NMRK2: variants seen among roughly 807,000 people sequenced by gnomAD.
The protein encoded by NMRK2 is NRK 2.
A neutral mutation model predicts 24.7 loss-of-function variants in NMRK2; 34 were observed. The observed-to-expected ratio is 1.37, with a 90% CI of 1.05 to 1.83. NMRK2 has a LOEUF of 1.83. Ranked by LOEUF, NMRK2 falls within the 40% of genes most tolerant of loss-of-function variation. The pLI, the probability that NMRK2 is intolerant of heterozygous loss-of-function variation, is 0.00. For synonymous variants in NMRK2, 145 were observed against 125.6 expected (o/e 1.15, Z -1.03); for missense variants, 341 against 315.0 (o/e 1.08, Z -0.62).
intron 5 of NMRK2, among the ~76,000 whole-genome samples, chr19:3,939,110 A>T (rs937156177): frequency 6.6e-6 from 1 of 151,442 alleles, no homozygotes; most frequent in Admixed American, 6.6e-5. Context: ...CGGACTCCCA[A>T]AGTGCTGGGA....
chr19:3,936,186 G>A (rs1480869858), intron 2 of NMRK2, among the ~76,000 whole-genome samples: 2 of 104,072 alleles, frequency 1.9e-5, no homozygotes, highest in East Asian at 2.7e-3. Flanking sequence ...ACTCCAGCCT[G>A]GGCAACAGAG....
intron 2 of NMRK2, among the ~76,000 whole-genome samples, chr19:3,934,803 G>A (rs1477798908): frequency 6.6e-6 from 1 of 151,804 alleles, no homozygotes; most frequent in African/African-American, 2.4e-5. Context: ...GGCTGGTCTC[G>A]AACTCCTGAC....
intron 5 of NMRK2, among the ~76,000 whole-genome samples, chr19:3,939,250 G>A (rs989525560): frequency 7.2e-5 from 11 of 151,926 alleles, no homozygotes; most frequent in African/African-American, 1.2e-4. Flanking sequence ...GGAGCCAGGC[G>A]TGGTGGCTCA....
chr19:3,937,211 A>T (rs1225833830), intron 3 of NMRK2, 29 bp from the exon 4 acceptor site: 1 of 1,611,922 alleles, frequency 6.2e-7, no homozygotes. Flanking sequence ...CCGGGCACTG[A>T]GCCCGAGGTT....
chr19:3,933,741 C>A, intron 2 of NMRK2, 44 bp downstream of exon 2: 1 of 1,382,176 alleles, frequency 7.2e-7, no homozygotes, highest in Non-Finnish European at 9.4e-7. Context: ...GGGGCAAAGC[C>A]CCCTGTGCGC....
chr19:3,934,019 G>A (rs928820600), intron 2 of NMRK2, among the ~76,000 whole-genome samples: 1 of 152,092 alleles, frequency 6.6e-6, no homozygotes, highest in Non-Finnish European at 1.5e-5. Flanking sequence ...AGGCCGAGGC[G>A]GGTGGATCAC....
In NMRK2 at chr19:3,935,245, G is replaced by A. The variant is rs1057170921; in HGVS notation, c.27-1330G>A. Among the ~76,000 whole-genome samples the A allele has an allele frequency of 5.6e-5, 8 of 141,980 alleles. 1 individual carries two copies. In the East Asian group the frequency reaches 6.2e-4, roughly 11 times the overall value. The allele number at this position is 141,980 out of a possible 152,430, so 93.1% of individuals were successfully genotyped here. ...TATGATATAGGTGTCCTCTTTTTCC[G>A]TCAGTCTTTTTTTTTTTTTTTTTTT... On this transcript the variant is annotated intron_variant, in intron 2 of 7. Coordinates refer to ENST00000168977, the MANE Select transcript of NMRK2 (RefSeq NM_170678.3).
intron 4 of NMRK2, among the ~76,000 whole-genome samples, 192 bp from the exon 5 acceptor site, chr19:3,938,411 C>T (rs538735943): frequency 4.9e-5 from 7 of 144,084 alleles, no homozygotes; most frequent in South Asian, 2.2e-4. Context: ...GCCCGCTCCC[C>T]GTCCACTGTT....
chr19:3,937,296 C>T lies in NMRK2; in HGVS notation c.166+8C>T, dbSNP rs2039231258. On this transcript the variant is annotated splice_region_variant and intron_variant, in intron 4 of 7. Coordinates refer to ENST00000168977, the MANE Select transcript of NMRK2 (RefSeq NM_170678.3). ...GCTTCAAACAGTGGGACGGTAAGGA[C>T]AAGCATCACCTCCAAGCCCCACTAT... 1 of 1,612,462 alleles carries T rather than the reference C, an allele frequency of 6.2e-7. No individual in the cohort carries two copies. The highest frequency in any genetic ancestry group is 8.5e-7 in the Non-Finnish European group (1 of 1,179,040).
At chr19:3,933,742 C>G in intron 2 of NMRK2, 45 bp downstream of exon 2, 5 of 1,381,646 alleles carry the variant, frequency 3.6e-6, no homozygotes, top group Non-Finnish European at 4.7e-6. Flanking sequence ...GGGCAAAGCC[C>G]CCTGTGCGCG....
intron 4 of NMRK2, among the ~76,000 whole-genome samples, chr19:3,937,917 TC>T (rs2039243180): frequency 1.8e-5 from 1 of 54,912 alleles, no homozygotes; most frequent in African/African-American, 7.5e-5. Context: ...CGTCCACTGT[TC>T]CCCCGGGGTC....
At position 3,939,984 on chromosome 19, in the gene NMRK2, T is replaced by A. The variant is rs1178504014; in HGVS notation, c.395+13T>A. 6.2e-7 allele frequency: 1 copy of A among 1,609,474 alleles called. No homozygotes were observed. On this transcript the variant is annotated intron_variant, in intron 6 of 7. Transcript: ENST00000168977. ...AGTGGAGGAGAAGGTGCACTTGGTG[T>A]CTGGGGGTGCGGTGGGCTCCTGAGG...
At chr19:3,939,142 C>G (rs953106651) in intron 5 of NMRK2, among the ~76,000 whole-genome samples, 2 of 151,768 alleles carry the variant, frequency 1.3e-5, no homozygotes, top group African/African-American at 4.8e-5. Flanking sequence ...AGCCACCACG[C>G]CTGGCTCACA....
At chr19:3,939,734 G>A (rs2039293830) in intron 5 of NMRK2, among the ~76,000 whole-genome samples, 166 bp from the exon 6 acceptor site, 1 of 152,100 alleles carries the variant, frequency 6.6e-6, no homozygotes, top group Non-Finnish European at 1.5e-5. Flanking sequence ...GGCTGCTGCA[G>A]GGATGTTGGC....
intron 4 of NMRK2, among the ~76,000 whole-genome samples, chr19:3,937,961 G>A (rs1159093927): frequency 6.0e-5 from 5 of 83,246 alleles, no homozygotes; most frequent in African/African-American, 4.7e-5. Flanking sequence ...CCCGTCCACT[G>A]TCCCCCCGGG....
chr19:3,939,140 C>T (rs945913618), intron 5 of NMRK2, among the ~76,000 whole-genome samples: 4 of 151,732 alleles, frequency 2.6e-5, no homozygotes, highest in Non-Finnish European at 4.4e-5. Context: ...TGAGCCACCA[C>T]GCCTGGCTCA....
At position 3,933,703 on chromosome 19, in the gene NMRK2, C is replaced by T; in HGVS notation, c.26+6C>T. 1 of 1,439,428 alleles carries T rather than the reference C, an allele frequency of 6.9e-7. No homozygotes were observed. The allele number at this position is 1,439,428 out of a possible 1,614,324, so 89.2% of individuals were successfully genotyped here. ...CTCATCGTGGGCATCGGAGGGTGAG[C>T]GCCGGGGGACCTGGTGGGCGGCCCT... On this transcript the variant is annotated splice_donor_region_variant and intron_variant, in intron 2 of 7. Coordinates refer to ENST00000168977, the MANE Select transcript of NMRK2 (RefSeq NM_170678.3).
intron 5 of NMRK2, 36 bp from the exon 6 acceptor site, chr19:3,939,864 C>T (rs1292421655): frequency 1.3e-6 from 2 of 1,587,922 alleles, no homozygotes; most frequent in Non-Finnish European, 8.6e-7. Flanking sequence ...AAGGAAAGCT[C>T]ACAGGTGCTG....
chr19:3,938,191 GT>G, intron 4 of NMRK2, among the ~76,000 whole-genome samples: 1 of 105,162 alleles, frequency 9.5e-6, no homozygotes, highest in Non-Finnish European at 1.9e-5. Context: ...CCCGTCCACT[GT>G]TCCCCCAGGG....
Sources: gnomAD v4.1 joint callset for allele counts (sites outside exome capture counted in the v4.1 genomes callset) on GRCh38, gnomAD v4.1.1 for gene constraint, MANE v1.5 for transcripts, NCBI Gene and HGNC (gene_info 2026-07-23, HGNC 2026-07-21) for gene names.